The following ANKFY1 variants were observed in gnomAD, a reference collection of about 807,000 sequenced individuals.
The protein encoded by ANKFY1 is ankyrin repeat and FYVE domain-containing protein 1.
In ANKFY1, 47 loss-of-function variants were observed where a neutral mutation model predicts 128.3. The observed-to-expected ratio is 0.37, with a 90% CI of 0.29 to 0.47. ANKFY1 has a LOEUF of 0.47. Among genes scored for constraint, ANKFY1 ranks in the 20% least tolerant of loss-of-function variants. The pLI is 1.00. For synonymous variants in ANKFY1, 553 were observed against 601.6 expected, an observed-to-expected ratio of 0.92 and a Z score of 1.18; for missense variants, 1,222 against 1,510.6, an observed-to-expected ratio of 0.81 and a Z score of 3.17.
Position 4,195,081 on chromosome 17 carries a change from G to A in ANKFY1, c.1269C>T (p.Phe423=), listed in dbSNP as rs778837380. Residue 423 remains phenylalanine (F), a synonymous_variant, in exon 10 of 25, where the codon TTC becomes TTT. Coordinates refer to ENST00000341657, the MANE Select transcript of ANKFY1 (RefSeq NM_001330063.2). ...TCCCATTTACCACGGGGACATCTTCGAAGGGGTTCACAGACTGGTCAGAAG... is the reference window on the plus strand; with the variant it reads ...TCCCATTTACCACGGGGACATCTTCAAAGGGGTTCACAGACTGGTCAGAAG... ...TVSSDQSVNP[F]EDVPVVNGTS... The A allele has an allele frequency of 5.6e-6, 9 of 1,614,184 alleles. No individual in the cohort carries two copies. Among genetic ancestry groups the A allele is most frequent in the South Asian group, 2.2e-5 (2 of 91,080 alleles).
At chr17:4,245,474 GACCACA>G (rs1307325626) in intron 1 of ANKFY1, among the ~76,000 whole-genome samples, 2,741 of 152,110 alleles carry the variant, frequency 0.018, 85 homozygotes, top group African/African-American at 0.063. Flanking sequence ...TAGTACCTGG[GACCACA>G]AGTGTGTGCC....
Position 4,197,377 on chromosome 17 carries a change from C to T in ANKFY1, c.1099G>A (p.Gly367Arg). 1 of 1,614,108 alleles carries T rather than the reference C, an allele frequency of 6.2e-7. No individual in the cohort carries two copies. The highest frequency in any genetic ancestry group is 2.2e-5 in the East Asian group (1 of 44,886). The change falls in exon 8 of 25, where the codon GGG becomes AGG. Residue 367 changes from glycine to arginine, a missense_variant. By Grantham distance (125) the Gly-to-Arg change is moderately radical. Transcript: ENST00000341657. ...GANPNMQDSK[G>R]RTPLHVSIMA... is the part of the protein sequence containing the mutation. The stretch of plus-strand genomic sequence containing the variant: ...AGTGTCTGCTCCCCAGCTTACCTCC[C>T]CTTGCTGTCCTGCATGTTGGGGTTG...
In ANKFY1 at chr17:4,163,836, T is replaced by C. The variant is rs2059166592; in HGVS notation, c.*3943A>G. 1 of 152,634 alleles carries C rather than the reference T, an allele frequency of 6.6e-6. No individual in the cohort carries two copies. The highest frequency in any genetic ancestry group is 2.1e-4 in the South Asian group (1 of 4,834). 9.5% of individuals were successfully genotyped at this position (152,634 alleles called of 1,614,324 possible). A position where few individuals can be genotyped will look rare whatever the true frequency, so the allele number is the denominator to read the frequency against. ...ACGTCAGGAGTTTTCTAAAATTTGTTTTTAATGCTTATTGGTACTTCTGCA... is the reference window on the plus strand; with the variant it reads ...ACGTCAGGAGTTTTCTAAAATTTGTCTTTAATGCTTATTGGTACTTCTGCA... On this transcript the variant is annotated 3_prime_UTR_variant, in exon 25 of 25. Transcript: ENST00000341657.
chr17:4,179,188 A>C lies in ANKFY1; in HGVS notation c.2398-131T>G, dbSNP rs191422226. On this transcript the variant is annotated intron_variant, in intron 17 of 24. Coordinates refer to ENST00000341657, the MANE Select transcript of ANKFY1 (RefSeq NM_001330063.2). ...AATACTACCACCCTGTGTTTGACTCAGCTTTTGAAGAGGCCAAAGAGAAAT... is the reference window on the plus strand; with the variant it reads ...AATACTACCACCCTGTGTTTGACTCCGCTTTTGAAGAGGCCAAAGAGAAAT... 482 of 998,570 alleles carry C rather than the reference A, an allele frequency of 4.8e-4. 4 individuals are homozygous for C. The East Asian group carries it at 9.7e-3, about 20-fold the overall frequency. 61.9% of individuals were successfully genotyped at this position (998,570 alleles called of 1,614,324 possible). A position where few individuals can be genotyped will look rare whatever the true frequency, so the allele number is the denominator to read the frequency against.
rs143721510 is a variant in ANKFY1 at position 4,196,930 on chromosome 17, G to A, written c.1103+443C>T. ...AGCTCAGGAGTTCGAGGCCAGCCTG[G>A]ACAACATGGCAAAACCCTGTCTCCA... On this transcript the variant is annotated intron_variant, in intron 8 of 24. Coordinates refer to ENST00000341657, the MANE Select transcript of ANKFY1 (RefSeq NM_001330063.2). Among the ~76,000 whole-genome samples, 754 of 152,240 alleles carry A rather than the reference G, an allele frequency of 5.0e-3. 6 individuals carry two copies. Among genetic ancestry groups the A allele is most frequent in the African/African-American group, 0.017 (711 of 41,538 alleles).
At position 4,178,214 on chromosome 17, in the gene ANKFY1, C is replaced by T. The variant is rs529628723; in HGVS notation, c.2598+643G>A. Reference sequence around the variant, plus strand: ...CACCAAGCAATCATCTCCACCCATGCGAGGATCTCACTTCACGCGGGTCCC... The same window carrying T: ...CACCAAGCAATCATCTCCACCCATGTGAGGATCTCACTTCACGCGGGTCCC... On this transcript the variant is annotated intron_variant, in intron 18 of 24. Transcript: ENST00000341657. This position sits in a 1 kb window ranked among gnomAD's most constrained non-coding sequence, Gnocchi z 4.1. The T allele has an allele frequency of 4.5e-5, 7 of 154,230 alleles. No individual in the cohort carries two copies. In the East Asian group the frequency reaches 5.7e-4, roughly 13 times the overall value. 9.6% of individuals were successfully genotyped at this position (154,230 alleles called of 1,614,324 possible). A position where few individuals can be genotyped will look rare whatever the true frequency, so the allele number is the denominator to read the frequency against.
rs1338707224 is a variant in ANKFY1 at position 4,173,918 on chromosome 17, C to T, written c.2914G>A (p.Gly972Arg). 2.5e-6 allele frequency: 4 copies of T among 1,613,162 alleles called. No individual in the cohort carries two copies. The highest frequency in any genetic ancestry group is 2.2e-5 in the East Asian group (1 of 44,866). Residue 972 changes from glycine to arginine, a missense_variant, in exon 20 of 25, where the codon GGA (glycine) becomes AGA (arginine). By Grantham distance (125) the Gly-to-Arg change is moderately radical. Transcript: ENST00000341657. ...AATGACTGGGAGTTACCATTGTTTC[C>T]ATTCTCATCCACGGCAGCAAAGTCC... ...GVDFAAVDEN[G>R]NNALHLAVMH...
chr17:4,201,869 G>C (rs762638357), intron 7 of ANKFY1, among the ~76,000 whole-genome samples: 2 of 152,130 alleles, frequency 1.3e-5, no homozygotes, highest in African/African-American at 4.8e-5. Flanking sequence ...GTCCTACTCT[G>C]TAGCATGAAC....
In ANKFY1 at chr17:4,169,130, G is replaced by C; in HGVS notation, c.3377+68C>G. The C allele has an allele frequency of 7.0e-7, 1 of 1,437,824 alleles. No homozygotes were observed. Among genetic ancestry groups the C allele is most frequent in the South Asian group, 1.2e-5 (1 of 81,340 alleles). The allele number at this position is 1,437,824 out of a possible 1,614,324, so 89.1% of individuals were successfully genotyped here. A position where few individuals can be genotyped will look rare whatever the true frequency, so the allele number is the denominator to read the frequency against. On this transcript the variant is annotated intron_variant, in intron 24 of 24. Coordinates refer to ENST00000341657, the MANE Select transcript of ANKFY1 (RefSeq NM_001330063.2). This position sits in a 1 kb window ranked among gnomAD's most constrained non-coding sequence, Gnocchi z 5.0. Reference sequence around the variant, plus strand: ...CCAGGCAAGTTCACGGCCTGTCCTGGAGAAGGGGGGAAGCAATGACATCAG... The same window carrying C: ...CCAGGCAAGTTCACGGCCTGTCCTGCAGAAGGGGGGAAGCAATGACATCAG...
rs768579757 is a variant in ANKFY1 at position 4,177,247 on chromosome 17, T to C, written c.2654A>G (p.Glu885Gly). Residue 885 changes from glutamate (E) to glycine (G), a missense_variant, in exon 19 of 25, where the codon GAA becomes GGA. By Grantham distance (98) the Glu-to-Gly change is moderately conservative. Coordinates refer to ENST00000341657, the MANE Select transcript of ANKFY1 (RefSeq NM_001330063.2). ...LHVAVQNSDI[E>G]SVLFLISVHA... The stretch of plus-strand genomic sequence containing the variant: ...GACACTGATCAGGAACAGCACACTT[T>C]CAATATCAGAGTTCTGAACTGCCAC... The C allele has an allele frequency of 6.2e-7, 1 of 1,604,996 alleles. No homozygotes were observed. The highest frequency in any genetic ancestry group is 1.1e-5 in the South Asian group (1 of 88,594).
intron 8 of ANKFY1, among the ~76,000 whole-genome samples, chr17:4,196,144 TACAC>T (rs35005172): frequency 0.087 from 7,270 of 83,632 alleles, 323 homozygotes; most frequent in African/African-American, 0.11. Flanking sequence ...CTGCATCTAC[TACAC>T]ACACACACAC....
chr17:4,189,937 G>A (rs1567926074), intron 10 of ANKFY1, among the ~76,000 whole-genome samples: 2 of 152,184 alleles, frequency 1.3e-5, no homozygotes, highest in South Asian at 4.1e-4. Flanking sequence ...GCCCCGGGCT[G>A]GAACATCCAA....
chr17:4,229,984 T>C (rs1328761742), intron 3 of ANKFY1, among the ~76,000 whole-genome samples: 3 of 152,178 alleles, frequency 2.0e-5, no homozygotes, highest in Non-Finnish European at 4.4e-5. Context: ...CATATTCTTT[T>C]TTACTCCTTT....
At chr17:4,241,483 T>C (rs1202931708) in intron 2 of ANKFY1, among the ~76,000 whole-genome samples, 1 of 151,450 alleles carries the variant, frequency 6.6e-6, no homozygotes, top group African/African-American at 2.4e-5. Context: ...GGTTTCACCA[T>C]GTTAGCCAGG....
intron 21 of ANKFY1, among the ~76,000 whole-genome samples, 184 bp from the exon 22 acceptor site, chr17:4,172,864 T>G (rs2059346227): frequency 1.3e-5 from 2 of 152,242 alleles, no homozygotes; most frequent in African/African-American, 4.8e-5. Flanking sequence ...ACAAAAGTTT[T>G]TTTGTTTGTT....
chr17:4,184,795 G>A (rs1176371256), intron 12 of ANKFY1, 23 bp downstream of exon 12: 4 of 1,602,542 alleles, frequency 2.5e-6, no homozygotes, highest in Admixed American at 1.7e-5. Flanking sequence ...TCAAAAGGAT[G>A]GACAGTATTC....
rs567862910 is a variant in ANKFY1, at chr17:4,221,472, A to G, written c.323-4354T>C. 4.6e-5 allele frequency among the ~76,000 whole-genome samples: 7 copies of G among 152,308 alleles called. No individual in the cohort carries two copies. The South Asian group carries it at 1.4e-3, about 32-fold the overall frequency. ...AGCAATTCTCCTGCCTTGGCCTCCC[A>G]AAGTGCTGGTATTACAGGCATAAAC... On this transcript the variant is annotated intron_variant, in intron 3 of 24. Coordinates refer to ENST00000341657, the MANE Select transcript of ANKFY1 (RefSeq NM_001330063.2).
intron 1 of ANKFY1, among the ~76,000 whole-genome samples, chr17:4,245,809 G>A (rs1334871155): frequency 6.6e-6 from 1 of 151,304 alleles, no homozygotes; most frequent in African/African-American, 2.4e-5. Flanking sequence ...AGCACTTTGG[G>A]AGGCTGAGGC....
At position 4,207,683 on chromosome 17, in the gene ANKFY1, G is replaced by A. The variant is rs1178680564; in HGVS notation, c.732+250C>T. Reference sequence around the variant, plus strand: ...TTTTGGCACCTAAAAGTTAAGAAGCGTTTAAAAAAAAAAAAAAACTACCTA... The same window carrying A: ...TTTTGGCACCTAAAAGTTAAGAAGCATTTAAAAAAAAAAAAAAACTACCTA... On this transcript the variant is annotated intron_variant, in intron 6 of 24. Transcript: ENST00000341657. Among the ~76,000 whole-genome samples, 7 of 146,782 alleles carry A rather than the reference G, an allele frequency of 4.8e-5. No individual in the cohort carries two copies. In the East Asian group the frequency reaches 6.0e-4, roughly 12 times the overall value.
Sources: allele counts gnomAD v4.1 joint callset (sites outside exome capture counted in the v4.1 genomes callset), GRCh38; gene constraint gnomAD v4.1.1; non-coding constraint Gnocchi (gnomAD v3.1); transcripts MANE v1.5; gene names NCBI Gene and HGNC (gene_info 2026-07-23, HGNC 2026-07-21).